AGAP2: variants seen among roughly 807,000 people sequenced by gnomAD.
AGAP2 encodes arf-GAP with GTPase, ANK repeat and PH domain-containing protein 2.
A neutral mutation model predicts 110.9 loss-of-function variants in AGAP2; 32 were observed. The ratio of observed to expected loss-of-function variants is 0.29; its 90% CI spans 0.22 to 0.39. The LOEUF (loss-of-function observed/expected upper bound fraction) is 0.39, where lower values mean the gene tolerates loss of function less well. Among genes scored for constraint, AGAP2 ranks in the 10% least tolerant of loss-of-function variants. AGAP2 has a pLI of 1.00. For synonymous variants in AGAP2, 702 were observed against 713.0 expected, an observed-to-expected ratio of 0.98 and a Z score of 0.25; for missense variants, 1,285 against 1,638.5, an observed-to-expected ratio of 0.78 and a Z score of 3.72.
In AGAP2 at chr12:57,726,980, C is replaced by A; in HGVS notation, c.3330G>T (p.Leu1110=). 6.3e-7 allele frequency: 1 copy of A among 1,584,630 alleles called. No individual in the cohort carries two copies. The highest frequency in any genetic ancestry group is 8.6e-7 in the Non-Finnish European group (1 of 1,165,244). The change falls in exon 18 of 19, where the codon CTG becomes CTT. Residue 1110 remains leucine (L), a synonymous_variant. Coordinates refer to ENST00000547588, the MANE Select transcript of AGAP2 (RefSeq NM_001122772.3). The surrounding 1 kb of genome is among the most constrained non-coding windows in gnomAD (Gnocchi z 5.7). ...CTCCCCCCAGCTCACGTACCCACAG[C>A]AGCAGTTGCGTGATGACGACGTGGG... ...ELAHVVITQL[L]LWYGADVAAR... is the part of the protein sequence containing the mutation.
In AGAP2 at chr12:57,737,978, G is replaced by A; in HGVS notation, c.269C>T (p.Pro90Leu). Reference protein sequence around the residue: ...TSSAGTGGAEPPALSPAPASP... With the variant: ...TSSAGTGGAELPALSPAPASP... ...GGCCGGAGCCGGGGACAGGGCTGGG[G>A]GCTCCGCGCCCCCGGTGCCCGCGCT... Residue 90 changes from proline (P) to leucine (L), a missense_variant, in exon 1 of 19, where the codon CCC becomes CTC. By Grantham distance (98) the Pro-to-Leu change is moderately conservative. Around this residue, in one of 7 missense-constraint regions of AGAP2, gnomAD observed 844 missense variants for 941.2 expected, o/e 0.90. Coordinates refer to ENST00000547588, the MANE Select transcript of AGAP2 (RefSeq NM_001122772.3). This position sits in a 1 kb window ranked among gnomAD's most constrained non-coding sequence, Gnocchi z 5.9. 7.0e-7 allele frequency: 1 copy of A among 1,438,472 alleles called. No homozygotes were observed. The highest frequency in any genetic ancestry group is 9.1e-7 in the Non-Finnish European group (1 of 1,103,212). The allele number at this position is 1,438,472 out of a possible 1,614,324, so 89.1% of individuals were successfully genotyped here.
rs766330272 is a variant in AGAP2 at position 57,737,821 on chromosome 12, G to A, written c.426C>T (p.Arg142=). 5 of 1,496,352 alleles carry A rather than the reference G, an allele frequency of 3.3e-6. No homozygotes were observed. The highest frequency in any genetic ancestry group is 2.3e-4 in the Middle Eastern group (1 of 4,390). The allele number at this position is 1,496,352 out of a possible 1,614,324, so 92.7% of individuals were successfully genotyped here. The change falls in exon 1 of 19, where the codon CGC becomes CGT. Residue 142 remains arginine (R), a synonymous_variant. Transcript: ENST00000547588. This position sits in a 1 kb window ranked among gnomAD's most constrained non-coding sequence, Gnocchi z 5.9. ...KPGGAPTSSR[R]PLLSSPSWGG... The stretch of plus-strand genomic sequence containing the variant: ...CCCAGCTCGGGCTGCTGAGCAGGGG[G>A]CGCCGGGAGGAGGTGGGGGCGCCCC...
At chr12:57,732,004 C>T (rs556321853) in intron 7 of AGAP2, 37 bp from the exon 8 acceptor site, 9 of 1,603,970 alleles carry the variant, frequency 5.6e-6, no homozygotes, top group African/African-American at 2.7e-5. Context: ...AGCTGAGATG[C>T]CCCCTACTCC....
rs768090300 is a variant in AGAP2, at chr12:57,727,461, C to G, written c.2979G>C (p.Arg993=). The change falls in exon 17 of 19, where the codon CGG becomes CGC. Residue 993 remains arginine, a synonymous_variant. Transcript: ENST00000547588. ...VRSLDLDDWP[R]ELTLVLTAIG... ...TAGCCGTCAGCACCAGGGTCAGCTC[C>G]CGTGGCCAGTCGTCCAAGTCCAGCG... The G allele has an allele frequency of 6.2e-7, 1 of 1,613,746 alleles. No individual in the cohort carries two copies. The highest frequency in any genetic ancestry group is 8.5e-7 in the Non-Finnish European group (1 of 1,179,938).
In AGAP2 at chr12:57,734,596, T is replaced by C. The variant is rs780591361; in HGVS notation, c.1311A>G (p.Thr437=). The C allele has an allele frequency of 6.2e-7, 1 of 1,614,060 alleles. No individual in the cohort carries two copies. The highest frequency in any genetic ancestry group is 1.3e-5 in the African/African-American group (1 of 74,926). The change falls in exon 3 of 19, where the codon ACA becomes ACG. Residue 437 remains threonine, a synonymous_variant. Coordinates refer to ENST00000547588, the MANE Select transcript of AGAP2 (RefSeq NM_001122772.3). ...CTATGGCTCTTCAGAACTCACTCTC[T>C]GTCTTCTCCAGCACCTGGTATGAGC... ...LTGSYQVLEK[T]ESEQYKKEML...
At chr12:57,736,152 C>T (rs1325828864) in intron 1 of AGAP2, among the ~76,000 whole-genome samples, 1 of 151,808 alleles carries the variant, frequency 6.6e-6, no homozygotes, top group East Asian at 2.0e-4. Context: ...GGCGCCGCAG[C>T]TGCGGCGGGA....
Position 57,728,382 on chromosome 12 carries a change from T to C in AGAP2, c.2558-5A>G, listed in dbSNP as rs1954815954. Reference sequence around the variant, plus strand: ...GTTTCCACATTTTGCGCTTGGCTGGTTTCCCGAAGCGAAGGAGATAGAGAT... The same window carrying C: ...GTTTCCACATTTTGCGCTTGGCTGGCTTCCCGAAGCGAAGGAGATAGAGAT... On this transcript the variant is annotated splice_polypyrimidine_tract_variant and splice_region_variant and intron_variant, in intron 13 of 18. Transcript: ENST00000547588. 2 of 1,613,846 alleles carry C rather than the reference T, an allele frequency of 1.2e-6. No individual in the cohort carries two copies. Among genetic ancestry groups the C allele is most frequent in the Admixed American group, 1.7e-5 (1 of 60,020 alleles).
intron 14 of AGAP2, 53 bp downstream of exon 14, chr12:57,728,265 C>T: frequency 1.3e-6 from 2 of 1,596,582 alleles, no homozygotes; most frequent in Non-Finnish European, 1.7e-6. Context: ...GCGGGGGCAC[C>T]CCCACCCTTC....
Position 57,737,106 on chromosome 12 carries a change from G to T in AGAP2, c.1141C>A (p.Leu381Met), listed in dbSNP as rs115316444. Residue 381 changes from leucine to methionine, a missense_variant, in exon 1 of 19, where the codon CTG becomes ATG. This residue lies in a region of AGAP2 where 844 missense variants were observed against 941.2 expected (regional missense o/e 0.90). Coordinates refer to ENST00000547588, the MANE Select transcript of AGAP2 (RefSeq NM_001122772.3). The surrounding 1 kb of genome is among the most constrained non-coding windows in gnomAD (Gnocchi z 5.9). ...GGGGAAGCGCGGAGCTCGGCGCCCA[G>T]CAGCTCCCTGGACCCGCTGCCAGAA... ...LSSGSGSRELLGAELRASPKA... is the reference protein window; with the variant it reads ...LSSGSGSRELMGAELRASPKA... The T allele has an allele frequency of 1.2e-3, 1,848 of 1,559,328 alleles. 17 individuals carry two copies. In the African/African-American group the frequency reaches 0.023, roughly 19 times the overall value.
upstream of AGAP2, chr12:57,741,767 A>G (rs1170868511): frequency 5.3e-6 from 5 of 949,174 alleles, no homozygotes; most frequent in African/African-American, 3.3e-5. Context: ...GTCTTTTTCC[A>G]TCCTCCCTAA....
Position 57,730,892 on chromosome 12 carries a change from G to A in AGAP2, c.2207C>T (p.Pro736Leu), listed in dbSNP as rs1457005363. 3 of 1,604,568 alleles carry A rather than the reference G, an allele frequency of 1.9e-6. No homozygotes were observed. Among genetic ancestry groups the A allele is most frequent in the African/African-American group, 1.3e-5 (1 of 74,778 alleles). ...GATGGCCCTCGGGGGCCGCTTGCCC[G>A]GGACTTTGACTGTTGTTCGCAGCAA... ...MDLLRTTVKV[P>L]GKRPPRAISA... The change falls in exon 11 of 19, where the codon CCG (proline) becomes CTG (leucine). Residue 736 changes from proline to leucine, a missense_variant. Physicochemically the swap from Pro to Leu is moderately conservative, Grantham distance 98 (BLOSUM62 -3). Around this residue, in one of 7 missense-constraint regions of AGAP2, gnomAD observed 135 missense variants for 182.0 expected, o/e 0.74. Coordinates refer to ENST00000547588, the MANE Select transcript of AGAP2 (RefSeq NM_001122772.3).
chr12:57,737,511 C>A lies in AGAP2; in HGVS notation c.736G>T (p.Gly246Trp), dbSNP rs766958479. The A allele has an allele frequency of 2.5e-6, 4 of 1,588,870 alleles. No individual in the cohort carries two copies. The Admixed American group carries it at 7.2e-5, about 29-fold the overall frequency. ...CCAGAGGTCGAAGCTGTAGAGCCCC[C>A]TCCCCCGGCGGCGGCGGCGGTGGCG... is the stretch of plus-strand genomic sequence containing the variant. Reference protein sequence around the residue: ...AAATAAAAGGGGSTASTSGGV... With the variant: ...AAATAAAAGGWGSTASTSGGV... The change falls in exon 1 of 19, where the codon GGG (glycine) becomes TGG (tryptophan). Residue 246 changes from glycine (G) to tryptophan (W), a missense_variant. By Grantham distance (184) the Gly-to-Trp change is radical. Coordinates refer to ENST00000547588, the MANE Select transcript of AGAP2 (RefSeq NM_001122772.3). The surrounding 1 kb of genome is among the most constrained non-coding windows in gnomAD (Gnocchi z 5.9).
At chr12:57,741,297 G>A (rs867929960), upstream of AGAP2, among the ~76,000 whole-genome samples, 1 of 152,140 alleles carries the variant, frequency 6.6e-6, no homozygotes, top group Non-Finnish European at 1.5e-5. Flanking sequence ...GAAGGTGTGT[G>A]GGGGGAAGAC....
At chr12:57,742,009 C>A (rs749005767), upstream of AGAP2, 4 of 1,614,140 alleles carry the variant, frequency 2.5e-6, no homozygotes, top group Non-Finnish European at 3.4e-6. Context: ...CCTGCTTGGC[C>A]ACCTCATGTC....
At chr12:57,734,850 G>T (rs1037475250) in intron 2 of AGAP2, among the ~76,000 whole-genome samples, 171 bp from the exon 3 acceptor site, 1 of 152,032 alleles carries the variant, frequency 6.6e-6, no homozygotes, top group Non-Finnish European at 1.5e-5. Context: ...CAGCTGGGGG[G>T]ATCAGAGCAG....
At position 57,738,251 on chromosome 12, in the gene AGAP2, C is replaced by A. The variant is rs1595097249; in HGVS notation, c.-5G>T. 1 of 1,507,262 alleles carries A rather than the reference C, an allele frequency of 6.6e-7. No individual in the cohort carries two copies. Among genetic ancestry groups the A allele is most frequent in the East Asian group, 2.6e-5 (1 of 37,784 alleles). The allele number at this position is 1,507,262 out of a possible 1,614,324, so 93.4% of individuals were successfully genotyped here. A position where few individuals can be genotyped will look rare whatever the true frequency, so the allele number is the denominator to read the frequency against. On this transcript the variant is annotated 5_prime_UTR_variant, in exon 1 of 19. Coordinates refer to ENST00000547588, the MANE Select transcript of AGAP2 (RefSeq NM_001122772.3). The surrounding 1 kb of genome is among the most constrained non-coding windows in gnomAD (Gnocchi z 6.7). ...CGCGCCCGCGCCCCGGCTCATGGGG[C>A]CCGGAGACCCCCGAGCTGGGGAGGG...
upstream of AGAP2, among the ~76,000 whole-genome samples, chr12:57,739,009 A>T (rs931147381): frequency 5.4e-5 from 1 of 18,446 alleles, no homozygotes; most frequent in Non-Finnish European, 1.2e-4. Flanking sequence ...TCTCCCCCCC[A>T]CCTTTTCTCC....
At chr12:57,740,788 A>G (rs1955068248), upstream of AGAP2, among the ~76,000 whole-genome samples, 1 of 152,186 alleles carries the variant, frequency 6.6e-6, no homozygotes, top group South Asian at 2.1e-4. Flanking sequence ...GAGGGGCACT[A>G]GCCTCCGAAG....
rs1955031021 is a variant in AGAP2, at chr12:57,738,319, G to A, written c.-73C>T. ...CTGCCTCAGGGGGGCCCGGCCATGGGGCCGCCCTGCTCGCTGCCCCCAGCC... is the reference window on the plus strand; with the variant it reads ...CTGCCTCAGGGGGGCCCGGCCATGGAGCCGCCCTGCTCGCTGCCCCCAGCC... On this transcript the variant is annotated 5_prime_UTR_variant, in exon 1 of 19. Transcript: ENST00000547588. This position sits in a 1 kb window ranked among gnomAD's most constrained non-coding sequence, Gnocchi z 6.7. The A allele has an allele frequency of 7.3e-7, 1 of 1,361,096 alleles. No homozygotes were observed. The highest frequency in any genetic ancestry group is 1.6e-5 in the South Asian group (1 of 60,862). The allele number at this position is 1,361,096 out of a possible 1,614,324, so 84.3% of individuals were successfully genotyped here.
Sources: gnomAD v4.1 joint callset for allele counts (sites outside exome capture counted in the v4.1 genomes callset) on GRCh38, gnomAD v4.1.1 for gene constraint, gnomAD v4.1.1 regional missense constraint, Gnocchi (gnomAD v3.1) non-coding constraint, MANE v1.5 for transcripts, NCBI Gene and HGNC (gene_info 2026-07-23, HGNC 2026-07-21) for gene names.